The following SLBP variants were observed in gnomAD, a reference collection of about 807,000 sequenced individuals.
SLBP encodes the protein stem-loop histone mRNA binding protein, also known as histone RNA hairpin-binding protein.
A neutral mutation model predicts 39.2 loss-of-function variants in SLBP; 29 were observed. That is an observed-to-expected ratio of 0.74 (90% confidence interval 0.55 to 1.01). SLBP has a LOEUF of 1.01. Among genes scored for constraint, SLBP ranks in the 50% least tolerant of loss-of-function variants. The pLI, the probability that SLBP is intolerant of heterozygous loss-of-function variation, is 0.00. For synonymous variants in SLBP, 129 were observed against 118.7 expected (o/e 1.09, Z -0.57); for missense variants, 390 against 350.2 (o/e 1.11, Z -0.91).
At chr4:1,697,253 A>C (rs970814275) in intron 5 of SLBP, among the ~76,000 whole-genome samples, 14 of 150,504 alleles carry the variant, frequency 9.3e-5, no homozygotes, top group Non-Finnish European at 1.5e-4. Flanking sequence ...AGATCACCTG[A>C]GATCAGAAGT....
chr4:1,711,686 G>A (rs975348673), intron 2 of SLBP, among the ~76,000 whole-genome samples, 188 bp downstream of exon 2: 3 of 152,216 alleles, frequency 2.0e-5, no homozygotes, highest in Non-Finnish European at 4.4e-5. Context: ...AGAGGCTTCC[G>A]GAGTGTTCCA....
At chr4:1,696,497 T>C (rs798720) in intron 5 of SLBP, 146 bp from the exon 6 acceptor site, 111,630 of 640,542 alleles carry the variant, frequency 0.17, 11,077 homozygotes, top group Non-Finnish European at 0.2. Context: ...AATCCTAGCA[T>C]TTTGGGAGGT....
chr4:1,711,812 C>G, intron 2 of SLBP, 62 bp downstream of exon 2: 1 of 899,514 alleles, frequency 1.1e-6, no homozygotes, highest in Non-Finnish European at 1.5e-6. Flanking sequence ...CGACGAGGTC[C>G]CTGGAGCCCG....
At chr4:1,703,993 A>T (rs1024316598) in intron 2 of SLBP, among the ~76,000 whole-genome samples, 2 of 152,164 alleles carry the variant, frequency 1.3e-5, no homozygotes, top group African/African-American at 4.8e-5. Flanking sequence ...AGCAAACTAG[A>T]TGTAGAACAT....
chr4:1,710,749 A>C (rs955001972), intron 2 of SLBP, among the ~76,000 whole-genome samples: 1 of 152,056 alleles, frequency 6.6e-6, no homozygotes, highest in Non-Finnish European at 1.5e-5. Context: ...CTTAGAAAAA[A>C]AAAAAGAAAC....
At chr4:1,693,788 C>T (rs758372709) in intron 7 of SLBP, 75 bp from the exon 8 acceptor site, 8 of 833,802 alleles carry the variant, frequency 9.6e-6, no homozygotes, top group African/African-American at 1.7e-5. Flanking sequence ...CACCCCACTC[C>T]TTATGTGGTA....
Position 1,693,044 on chromosome 4 carries a change from T to C in SLBP, c.*553A>G, listed in dbSNP as rs897549579. 2 of 154,224 alleles carry C rather than the reference T, an allele frequency of 1.3e-5. No homozygotes were observed. Among genetic ancestry groups the C allele is most frequent in the Non-Finnish European group, 2.9e-5 (2 of 68,994 alleles). 9.6% of individuals were successfully genotyped at this position (154,224 alleles called of 1,614,324 possible). On this transcript the variant is annotated 3_prime_UTR_variant, in exon 8 of 8. Coordinates refer to ENST00000489418, the MANE Select transcript of SLBP (RefSeq NM_006527.4). Reference sequence around the variant, plus strand: ...ACTAGTGCTATTTACAAGTACCAAATTAAGACCATATAACTTACATAAAAC... The same window carrying C: ...ACTAGTGCTATTTACAAGTACCAAACTAAGACCATATAACTTACATAAAAC...
At chr4:1,698,799 T>C (rs1193402916) in intron 5 of SLBP, among the ~76,000 whole-genome samples, 2 of 150,606 alleles carry the variant, frequency 1.3e-5, no homozygotes, top group Non-Finnish European at 3.0e-5. Flanking sequence ...TAAAATTTTT[T>C]TTTTTAAGAG....
chr4:1,700,173 G>A (rs917445276), intron 3 of SLBP, 103 bp from the exon 4 acceptor site: 3 of 675,238 alleles, frequency 4.4e-6, no homozygotes, highest in African/African-American at 3.7e-5. Context: ...ACCATCCTAT[G>A]CAATCCAGAA....
At chr4:1,711,776 T>A in intron 2 of SLBP, 98 bp downstream of exon 2, 1 of 602,626 alleles carries the variant, frequency 1.7e-6, no homozygotes, top group Non-Finnish European at 2.5e-6. Flanking sequence ...GGTGCCGACC[T>A]GACCGATCCC....
In SLBP at chr4:1,696,263, A is replaced by C; in HGVS notation, c.568T>G (p.Trp190Gly). The change falls in exon 6 of 8, where the codon TGG becomes GGG. Residue 190 changes from tryptophan (W) to glycine (G), a missense_variant. Transcript: ENST00000489418. ...RRSWDQQIKLWKVALHFWDPP... is the reference protein window; with the variant it reads ...RRSWDQQIKLGKVALHFWDPP... ...TCCCAAAAATGCAGAGCCACCTTCC[A>C]GAGTTTGATTTGCTGGTCCCATGAA... 1 of 1,605,440 alleles carries C rather than the reference A, an allele frequency of 6.2e-7. No homozygotes were observed. Among genetic ancestry groups the C allele is most frequent in the Non-Finnish European group, 8.5e-7 (1 of 1,176,748 alleles).
chr4:1,704,939 CTTTTT>C (rs1369884721), intron 2 of SLBP, among the ~76,000 whole-genome samples: 1 of 140,706 alleles, frequency 7.1e-6, no homozygotes, highest in Non-Finnish European at 1.6e-5. Flanking sequence ...TTTTTTTTTT[CTTTTT>C]GAGACGGAGT....
intron 3 of SLBP, 102 bp from the exon 4 acceptor site, chr4:1,700,172 T>A: frequency 1.5e-6 from 1 of 682,170 alleles, no homozygotes; most frequent in Non-Finnish European, 2.5e-6. Context: ...CACCATCCTA[T>A]GCAATCCAGA....
At chr4:1,706,522 T>G (rs1716522769) in intron 2 of SLBP, among the ~76,000 whole-genome samples, 1 of 152,062 alleles carries the variant, frequency 6.6e-6, no homozygotes, top group African/African-American at 2.4e-5. Flanking sequence ...ATTGGGAAAT[T>G]TATGGCCAGG....
chr4:1,693,082 T>C lies in SLBP; in HGVS notation c.*515A>G, dbSNP rs8051. On this transcript the variant is annotated 3_prime_UTR_variant, in exon 8 of 8. Coordinates refer to ENST00000489418, the MANE Select transcript of SLBP (RefSeq NM_006527.4). ...ACTTACATAAAACTCATTAGTTTAATAGCTCAATTTAACAATGTCTGACTT... is the reference window on the plus strand; with the variant it reads ...ACTTACATAAAACTCATTAGTTTAACAGCTCAATTTAACAATGTCTGACTT... The C allele has an allele frequency of 0.31, 48,724 of 155,524 alleles. 8,766 individuals are homozygous for C. The highest frequency in any genetic ancestry group is 0.69 in the East Asian group (3,642 of 5,260). 9.6% of individuals were successfully genotyped at this position (155,524 alleles called of 1,614,324 possible).
At chr4:1,706,279 T>C (rs1716513006) in intron 2 of SLBP, among the ~76,000 whole-genome samples, 1 of 152,080 alleles carries the variant, frequency 6.6e-6, no homozygotes, top group African/African-American at 2.4e-5. Context: ...AGACTCCGTC[T>C]CAGAAAATAA....
intron 4 of SLBP, 99 bp downstream of exon 4, chr4:1,699,912 G>A (rs1193292572): frequency 2.2e-6 from 2 of 911,386 alleles, no homozygotes; most frequent in East Asian, 4.9e-5. Flanking sequence ...ATTAATAAAT[G>A]CTACTGCGAC....
chr4:1,710,610 T>G (rs1218290126), intron 2 of SLBP, among the ~76,000 whole-genome samples: 1 of 152,144 alleles, frequency 6.6e-6, no homozygotes, highest in Admixed American at 6.5e-5. Context: ...AAGATCTACA[T>G]GTTCCAAGAG....
At chr4:1,700,122 A>T (rs777170376) in intron 3 of SLBP, 52 bp from the exon 4 acceptor site, 1 of 1,370,774 alleles carries the variant, frequency 7.3e-7, no homozygotes, top group Non-Finnish European at 1.0e-6. Flanking sequence ...AAAATAAAGC[A>T]GCCAGGTCTG....
Sources: allele counts gnomAD v4.1 joint callset (sites outside exome capture counted in the v4.1 genomes callset), GRCh38; gene constraint gnomAD v4.1.1; transcripts MANE v1.5; gene names NCBI Gene and HGNC (gene_info 2026-07-23, HGNC 2026-07-21).